ANXA10: variants seen among roughly 807,000 people sequenced by gnomAD.
ANXA10 encodes the protein annexin 14.
ANXA10 carries 49 observed loss-of-function variants against 53.5 expected under a neutral mutation model. The observed-to-expected ratio is 0.92, with a 90% confidence interval of 0.73 to 1.16. ANXA10 has a LOEUF of 1.16. Among genes scored for constraint, ANXA10 ranks in the 50% most tolerant of loss-of-function variants. ANXA10 has a pLI of 0.00. For synonymous variants in ANXA10, 131 were observed against 128.9 expected, an observed-to-expected ratio of 1.02 and a Z score of -0.11; for missense variants, 393 against 394.4, an observed-to-expected ratio of 1.00 and a Z score of 0.03.
At chr4:168,170,864 C>T (rs568089821) in intron 6 of ANXA10, among the ~76,000 whole-genome samples, 1 of 151,970 alleles carries the variant, frequency 6.6e-6, no homozygotes, top group South Asian at 2.1e-4. Context: ...AATGGAGGTA[C>T]CAAACTATTA....
At chr4:168,122,685 G>T (rs949877599) in intron 1 of ANXA10, among the ~76,000 whole-genome samples, 24 of 152,228 alleles carry the variant, frequency 1.6e-4, no homozygotes, top group African/African-American at 5.1e-4. Context: ...CCGTCACATG[G>T]CGAAAACAGG....
intron 2 of ANXA10, among the ~76,000 whole-genome samples, chr4:168,134,043 TAA>T (rs1177715537): frequency 6.6e-6 from 1 of 152,036 alleles, no homozygotes; most frequent in Non-Finnish European, 1.5e-5. Context: ...CTTAATATTA[TAA>T]GAGAGTTCAG....
chr4:168,092,659 G>T lies in ANXA10; in HGVS notation c.-42G>T, dbSNP rs769295394. ...CACAGTGAAACAAGTTTATGCAATCGATCAAATATTTTCATCCCTGAGGTT... is the reference window on the plus strand; with the variant it reads ...CACAGTGAAACAAGTTTATGCAATCTATCAAATATTTTCATCCCTGAGGTT... On this transcript the variant is annotated 5_prime_UTR_variant, in exon 1 of 12. Transcript: ENST00000359299. 8 of 1,570,626 alleles carry T rather than the reference G, an allele frequency of 5.1e-6. 1 individual carries two copies. The African/African-American group carries it at 9.6e-5, about 19-fold the overall frequency.
intron 1 of ANXA10, among the ~76,000 whole-genome samples, chr4:168,113,871 G>A (rs544422977): frequency 1.3e-5 from 2 of 152,184 alleles, no homozygotes; most frequent in East Asian, 3.9e-4. Context: ...CTTTCATTTG[G>A]TTGGAATTAC....
intron 1 of ANXA10, among the ~76,000 whole-genome samples, chr4:168,109,652 G>T (rs1730772125): frequency 6.6e-6 from 1 of 152,158 alleles, no homozygotes; most frequent in South Asian, 2.1e-4. Flanking sequence ...GCAAAGAGCT[G>T]ACAGATGAAT....
chr4:168,181,610 T>C, intron 9 of ANXA10, 73 bp from the exon 10 acceptor site: 1 of 1,199,730 alleles, frequency 8.3e-7, no homozygotes, highest in Non-Finnish European at 1.2e-6. Context: ...AAAGTGTTAT[T>C]GTTTCTCAAA....
At chr4:168,158,778 C>T (rs1201271724) in intron 3 of ANXA10, among the ~76,000 whole-genome samples, 2 of 152,142 alleles carry the variant, frequency 1.3e-5, no homozygotes, top group Non-Finnish European at 2.9e-5. Context: ...TTCTCAAATG[C>T]TTTTGCTACA....
rs1211089231 is a variant in ANXA10, at chr4:168,177,344, G to A, written c.481-396G>A. On this transcript the variant is annotated intron_variant, in intron 6 of 11. Coordinates refer to ENST00000359299, the MANE Select transcript of ANXA10 (RefSeq NM_007193.5). ...ATTTTGTTGTTGTATAAATCCTATT[G>A]TGCAAGTCAGAGATGGACTTTCTCT... 2.0e-5 allele frequency among the ~76,000 whole-genome samples: 3 copies of A among 152,224 alleles called. No individual in the cohort carries two copies. The South Asian group carries it at 6.2e-4, about 32-fold the overall frequency.
At chr4:168,168,824 TTATGA>T (rs1200961172) in intron 6 of ANXA10, among the ~76,000 whole-genome samples, 1 of 152,204 alleles carries the variant, frequency 6.6e-6, no homozygotes, top group African/African-American at 2.4e-5. Context: ...AATAGAAAAC[TTATGA>T]TGATGACTAT....
chr4:168,112,235 G>A (rs1730819604), intron 1 of ANXA10, among the ~76,000 whole-genome samples: 1 of 152,138 alleles, frequency 6.6e-6, no homozygotes, highest in African/African-American at 2.4e-5. Flanking sequence ...GGCAGAGGCT[G>A]CAGTGAGCCG....
rs1293541834 is a variant in ANXA10, at chr4:168,155,983, ATATAT to A, written c.196-6540_196-6536del. 2.4e-3 allele frequency among the ~76,000 whole-genome samples: 29 copies of A among 12,310 alleles called. 5 individuals are homozygous for A. In the East Asian group the frequency reaches 0.17, roughly 71 times the overall value. The allele number at this position is 12,310 out of a possible 152,430, so 8.1% of individuals were successfully genotyped here. A position where few individuals can be genotyped will look rare whatever the true frequency, so the allele number is the denominator to read the frequency against. The stretch of plus-strand genomic sequence containing the variant: ...CATATATTATATTATATGATATATC[ATATAT>A]TATACATAATTTATATTATATGTTA... On this transcript the variant is annotated intron_variant, in intron 3 of 11. Coordinates refer to ENST00000359299, the MANE Select transcript of ANXA10 (RefSeq NM_007193.5).
chr4:168,097,286 C>T (rs35905792), intron 1 of ANXA10, among the ~76,000 whole-genome samples: 23,085 of 151,832 alleles, frequency 0.15, 2,067 homozygotes, highest in Non-Finnish European at 0.21. Flanking sequence ...AAACAATGAC[C>T]TTCATATGGT....
At chr4:168,168,197 T>G (rs1731917236) in intron 6 of ANXA10, among the ~76,000 whole-genome samples, 1 of 152,146 alleles carries the variant, frequency 6.6e-6, no homozygotes, top group African/African-American at 2.4e-5. Context: ...AACTGGCTTT[T>G]AAGTTTATCA....
intron 3 of ANXA10, among the ~76,000 whole-genome samples, chr4:168,145,878 T>A (rs988169245): frequency 1.4e-4 from 21 of 151,902 alleles, no homozygotes; most frequent in Non-Finnish European, 2.8e-4. Context: ...AGCCTAGGGA[T>A]GGTGGAGATC....
intron 1 of ANXA10, among the ~76,000 whole-genome samples, chr4:168,126,700 C>T (rs1453561155): frequency 6.6e-6 from 1 of 152,016 alleles, no homozygotes; most frequent in African/African-American, 2.4e-5. Context: ...TTTCCTGATG[C>T]AAAACATTAA....
At chr4:168,116,909 C>T (rs370093401) in intron 1 of ANXA10, among the ~76,000 whole-genome samples, 29 of 152,020 alleles carry the variant, frequency 1.9e-4, no homozygotes, top group African/African-American at 6.8e-4. Context: ...TGATGAAACA[C>T]TATGAAATTT....
At chr4:168,142,305 G>A (rs957897010) in intron 3 of ANXA10, among the ~76,000 whole-genome samples, 2 of 151,978 alleles carry the variant, frequency 1.3e-5, no homozygotes, top group African/African-American at 4.8e-5. Context: ...CCTGCTCTCC[G>A]TCTTCATCCC....
intron 1 of ANXA10, among the ~76,000 whole-genome samples, chr4:168,117,118 A>C (rs1169074906): frequency 6.6e-6 from 1 of 152,104 alleles, no homozygotes; most frequent in African/African-American, 2.4e-5. Flanking sequence ...AGCCAGGCAC[A>C]TGTGGTCCCA....
chr4:168,143,964 A>G (rs1447256699), intron 3 of ANXA10, among the ~76,000 whole-genome samples: 4 of 152,142 alleles, frequency 2.6e-5, no homozygotes, highest in African/African-American at 9.7e-5. Context: ...GTTTTGCTTA[A>G]GTGTCAAATA....
Sources: allele counts gnomAD v4.1 joint callset (sites outside exome capture counted in the v4.1 genomes callset), GRCh38; gene constraint gnomAD v4.1.1; transcripts MANE v1.5; gene names NCBI Gene and HGNC (gene_info 2026-07-23, HGNC 2026-07-21).